Variants in SORCS1 observed in about 807,000 individuals in gnomAD.
SORCS1 encodes the protein VPS10 domain-containing receptor SorCS1.
SORCS1 carries 60 observed loss-of-function variants against 146.1 expected under a neutral mutation model. That is an observed-to-expected ratio of 0.41 (90% confidence interval 0.33 to 0.51). The LOEUF (loss-of-function observed/expected upper bound fraction) is 0.51, where lower values mean the gene tolerates loss of function less well. Among genes scored for constraint, SORCS1 ranks in the 20% least tolerant of loss-of-function variants. SORCS1 has a pLI of 0.21. For synonymous variants in SORCS1, 637 were observed against 584.0 expected, an observed-to-expected ratio of 1.09 and a Z score of -1.31; for missense variants, 1,352 against 1,487.6, an observed-to-expected ratio of 0.91 and a Z score of 1.50.
intron 16 of SORCS1, among the ~76,000 whole-genome samples, chr10:106,670,975 TG>T (rs1851550557): frequency 6.6e-6 from 1 of 152,146 alleles, no homozygotes; most frequent in Non-Finnish European, 1.5e-5. Flanking sequence ...ATTACAGGCA[TG>T]AGCCACCATG....
At chr10:106,871,537 T>C (rs1054540206) in intron 2 of SORCS1, among the ~76,000 whole-genome samples, 3 of 152,200 alleles carry the variant, frequency 2.0e-5, no homozygotes, top group Non-Finnish European at 4.4e-5. Context: ...GTGGTACACA[T>C]ACACCATTAA....
At chr10:106,979,242 C>A (rs1956156569) in intron 1 of SORCS1, among the ~76,000 whole-genome samples, 1 of 152,058 alleles carries the variant, frequency 6.6e-6, no homozygotes, top group Admixed American at 6.6e-5. Context: ...GCACCTTTGA[C>A]AGGCAAGGTC....
chr10:106,741,795 G>T (rs936918691), intron 5 of SORCS1, among the ~76,000 whole-genome samples: 1 of 152,020 alleles, frequency 6.6e-6, no homozygotes, highest in Non-Finnish European at 1.5e-5. Flanking sequence ...TAAATAGCAG[G>T]GTTTCTAAGT....
At chr10:106,986,118 G>T (rs553326233) in intron 1 of SORCS1, among the ~76,000 whole-genome samples, 1 of 152,000 alleles carries the variant, frequency 6.6e-6, no homozygotes, top group East Asian at 1.9e-4. Flanking sequence ...AGCAGTTTAC[G>T]ATATGGCTAA....
chr10:106,996,250 T>C (rs1401521457), intron 1 of SORCS1, among the ~76,000 whole-genome samples: 1 of 29,156 alleles, frequency 3.4e-5, no homozygotes, highest in Non-Finnish European at 6.4e-5. Context: ...AAAAAAAAAA[T>C]AGAATGTAGA....
At chr10:106,883,827 T>C (rs1950897678) in intron 2 of SORCS1, among the ~76,000 whole-genome samples, 1 of 152,226 alleles carries the variant, frequency 6.6e-6, no homozygotes, top group Non-Finnish European at 1.5e-5. Flanking sequence ...GTTTCTGATC[T>C]TGCACAGGTA....
intron 18 of SORCS1, among the ~76,000 whole-genome samples, chr10:106,648,921 G>A (rs964696769): frequency 6.6e-6 from 1 of 152,002 alleles, no homozygotes; most frequent in East Asian, 1.9e-4. Context: ...GATGGACATG[G>A]AGAGGAATGC....
intron 1 of SORCS1, among the ~76,000 whole-genome samples, chr10:107,143,795 C>T (rs943381528): frequency 1.3e-5 from 2 of 151,988 alleles, no homozygotes; most frequent in African/African-American, 2.4e-5. Context: ...TGAGCCACCA[C>T]GCCCGGCCTA....
intron 1 of SORCS1, among the ~76,000 whole-genome samples, chr10:107,021,829 G>T (rs1958160496): frequency 6.6e-6 from 1 of 152,068 alleles, no homozygotes; most frequent in Non-Finnish European, 1.5e-5. Flanking sequence ...ACCACATTTT[G>T]CTTTGGTTTA....
At chr10:107,086,140 A>G (rs1178849514) in intron 1 of SORCS1, among the ~76,000 whole-genome samples, 2 of 152,218 alleles carry the variant, frequency 1.3e-5, no homozygotes, top group East Asian at 3.8e-4. Context: ...TACAGGGCTC[A>G]TTGCTTTCCA....
intron 1 of SORCS1, among the ~76,000 whole-genome samples, chr10:107,016,779 G>C (rs780489626): frequency 3.9e-5 from 6 of 152,084 alleles, no homozygotes; most frequent in Non-Finnish European, 8.8e-5. Flanking sequence ...ATCCATATAA[G>C]TAATAGATGA....
In SORCS1 at chr10:106,798,127, G is replaced by A. The variant is rs577430569; in HGVS notation, c.727-21435C>T. ...TCTTGTGATAGCGAATAAGTCTCACGAGATCTGATGGCTTTATAAGGCAGA... is the reference window on the plus strand; with the variant it reads ...TCTTGTGATAGCGAATAAGTCTCACAAGATCTGATGGCTTTATAAGGCAGA... On this transcript the variant is annotated intron_variant, in intron 3 of 25. Transcript: ENST00000263054. Among the ~76,000 whole-genome samples, 4 of 152,192 alleles carry A rather than the reference G, an allele frequency of 2.6e-5. No individual in the cohort carries two copies. The East Asian group carries it at 5.8e-4, about 22-fold the overall frequency.
intron 2 of SORCS1, among the ~76,000 whole-genome samples, chr10:106,894,509 A>G (rs1951387281): frequency 6.6e-6 from 1 of 152,188 alleles, no homozygotes. Flanking sequence ...TAAAAGAAGT[A>G]GATATACAAA....
intron 1 of SORCS1, among the ~76,000 whole-genome samples, chr10:107,124,953 CTTT>C (rs577523339): frequency 3.3e-5 from 4 of 121,598 alleles, no homozygotes; most frequent in African/African-American, 6.6e-5. Context: ...TTTTCTTTTT[CTTT>C]TTTTTTTTTT....
intron 18 of SORCS1, among the ~76,000 whole-genome samples, chr10:106,633,348 G>C (rs1328503153): frequency 6.6e-6 from 1 of 151,924 alleles, no homozygotes; most frequent in Non-Finnish European, 1.5e-5. Context: ...TAGCTATTTT[G>C]AAATATATAA....
chr10:106,915,307 T>C (rs1352040441), intron 2 of SORCS1, among the ~76,000 whole-genome samples: 1 of 152,210 alleles, frequency 6.6e-6, no homozygotes, highest in Non-Finnish European at 1.5e-5. Flanking sequence ...CCCTATCATT[T>C]ACTCCCTGAG....
intron 2 of SORCS1, among the ~76,000 whole-genome samples, chr10:106,951,112 G>T (rs191442283): frequency 6.6e-6 from 1 of 152,114 alleles, no homozygotes; most frequent in Non-Finnish European, 1.5e-5. Flanking sequence ...TGGCATTTCC[G>T]GGCGGCTGCT....
intron 2 of SORCS1, among the ~76,000 whole-genome samples, chr10:106,948,786 C>T (rs186311465): frequency 1.2e-4 from 19 of 152,022 alleles, no homozygotes; most frequent in African/African-American, 1.9e-4. Flanking sequence ...GGTGAAACCG[C>T]GTCTCTACTA....
chr10:106,609,313 G>A (rs969166401), intron 22 of SORCS1, among the ~76,000 whole-genome samples: 1 of 152,194 alleles, frequency 6.6e-6, no homozygotes, highest in East Asian at 1.9e-4. Context: ...ACACAAAAAT[G>A]TTTATAATGA....
Sources: allele counts gnomAD v4.1 joint callset (sites outside exome capture counted in the v4.1 genomes callset), GRCh38; gene constraint gnomAD v4.1.1; transcripts MANE v1.5; gene names NCBI Gene and HGNC (gene_info 2026-07-23, HGNC 2026-07-21).